Variants in HCN1 observed in about 807,000 individuals in gnomAD.
The protein encoded by HCN1 is hyperpolarization activated cyclic nucleotide gated potassium channel 1.
In HCN1, 13 loss-of-function variants were observed where a neutral mutation model predicts 78.9. That is an observed-to-expected ratio of 0.16 (90% confidence interval 0.11 to 0.26). The LOEUF (loss-of-function observed/expected upper bound fraction) is 0.26, where lower values mean the gene tolerates loss of function less well. Among genes scored for constraint, HCN1 ranks in the 10% least tolerant of loss-of-function variants. The pLI, the probability that HCN1 is intolerant of heterozygous loss-of-function variation, is 1.00. For missense variants in HCN1, 810 were observed against 1,154.3 expected (o/e 0.70, Z 4.32); for synonymous variants, 552 against 455.5 (o/e 1.21, Z -2.70).
At chr5:45,614,715 T>C (rs1391021062) in intron 2 of HCN1, among the ~76,000 whole-genome samples, 2 of 152,100 alleles carry the variant, frequency 1.3e-5, no homozygotes, top group Non-Finnish European at 1.5e-5. Context: ...ATGAGCTGCA[T>C]GAAAACAGAA....
chr5:45,433,105 G>A (rs1279848501), intron 3 of HCN1, among the ~76,000 whole-genome samples: 2 of 152,034 alleles, frequency 1.3e-5, no homozygotes, highest in South Asian at 2.1e-4. Context: ...TGGGAATTAT[G>A]AGAGCTATAA....
rs368915909 is a variant in HCN1 at position 45,380,477 on chromosome 5, G to A, written c.1230+16015C>T. On this transcript the variant is annotated intron_variant, in intron 4 of 7. Transcript: ENST00000303230. ...TAGAAAACATTCTGGAATAATTTAAGTTACATAGGAGATTTGGTTATGGAG... is the reference window on the plus strand; with the variant it reads ...TAGAAAACATTCTGGAATAATTTAAATTACATAGGAGATTTGGTTATGGAG... Among the ~76,000 whole-genome samples, 13 of 152,180 alleles carry A rather than the reference G, an allele frequency of 8.5e-5. No individual in the cohort carries two copies. The East Asian group carries it at 2.5e-3, about 29-fold the overall frequency.
chr5:45,621,805 G>C lies in HCN1; in HGVS notation c.849+23380C>G, dbSNP rs986430241. On this transcript the variant is annotated intron_variant, in intron 2 of 7. Transcript: ENST00000303230. ...AACAAGAATCAAAATACATTATTTG[G>C]CAATATAAGTGGATTTTTTAATAAA... Among the ~76,000 whole-genome samples, 14 of 152,088 alleles carry C rather than the reference G, an allele frequency of 9.2e-5. No homozygotes were observed. In the South Asian group the frequency reaches 1.2e-3, roughly 14 times the overall value.
intron 2 of HCN1, among the ~76,000 whole-genome samples, chr5:45,533,808 T>C (rs1472869494): frequency 6.6e-6 from 1 of 152,146 alleles, no homozygotes; most frequent in Non-Finnish European, 1.5e-5. Context: ...GCTTTTTATG[T>C]GTTTTGTAAA....
At chr5:45,516,120 A>G (rs1235158551) in intron 2 of HCN1, among the ~76,000 whole-genome samples, 1 of 151,990 alleles carries the variant, frequency 6.6e-6, no homozygotes, top group Non-Finnish European at 1.5e-5. Flanking sequence ...GTATCATTAC[A>G]CAAATACATA....
intron 2 of HCN1, among the ~76,000 whole-genome samples, chr5:45,490,956 C>T (rs543782493): frequency 1.8e-4 from 28 of 152,190 alleles, no homozygotes; most frequent in African/African-American, 6.7e-4. Context: ...GTTCAAGGCT[C>T]TTCCATCTTA....
intron 2 of HCN1, among the ~76,000 whole-genome samples, chr5:45,631,632 A>C (rs1745271394): frequency 6.6e-6 from 1 of 152,142 alleles, no homozygotes; most frequent in Admixed American, 6.6e-5. Flanking sequence ...ATGTGGATCA[A>C]GATTTCTAAA....
intron 2 of HCN1, among the ~76,000 whole-genome samples, chr5:45,605,205 T>A (rs1310439286): frequency 6.6e-6 from 1 of 151,570 alleles, no homozygotes; most frequent in Middle Eastern, 3.2e-3. Flanking sequence ...ATTAAATGGG[T>A]ACCTTTATTT....
At chr5:45,336,843 A>G (rs1252286383) in intron 5 of HCN1, among the ~76,000 whole-genome samples, 1 of 151,922 alleles carries the variant, frequency 6.6e-6, no homozygotes, top group African/African-American at 2.4e-5. Context: ...GGGATCAGAG[A>G]TCACTCTGGG....
chr5:45,262,873 G>A (rs1744778678), intron 7 of HCN1, 63 bp from the exon 8 acceptor site: 1 of 1,565,176 alleles, frequency 6.4e-7, no homozygotes, highest in Non-Finnish European at 8.8e-7. Flanking sequence ...AACGCCAAGT[G>A]AGAGTGGCTC....
chr5:45,574,621 A>C (rs1312687739), intron 2 of HCN1: 1 of 152,152 alleles, frequency 6.6e-6, no homozygotes, highest in Non-Finnish European at 1.5e-5. Context: ...TTAAATCAAA[A>C]GTTAGAAATG....
intron 4 of HCN1, among the ~76,000 whole-genome samples, chr5:45,378,445 G>C (rs988856299): frequency 3.9e-5 from 6 of 152,038 alleles, no homozygotes; most frequent in Non-Finnish European, 8.8e-5. Flanking sequence ...TATGTTCCAT[G>C]TGAGTTTGAG....
chr5:45,653,959 T>C (rs1247445709), intron 1 of HCN1, among the ~76,000 whole-genome samples: 1 of 152,096 alleles, frequency 6.6e-6, no homozygotes, highest in East Asian at 1.9e-4. Context: ...ATTTGTTCTT[T>C]TGGATGATTT....
chr5:45,326,926 G>T (rs1746245439), intron 5 of HCN1, among the ~76,000 whole-genome samples: 1 of 151,548 alleles, frequency 6.6e-6, no homozygotes, highest in African/African-American at 2.4e-5. Context: ...AGCAGATAAT[G>T]CAAAACTCTC....
chr5:45,571,120 G>T (rs1219424277), intron 2 of HCN1, among the ~76,000 whole-genome samples: 1 of 151,876 alleles, frequency 6.6e-6, no homozygotes, highest in Admixed American at 6.6e-5. Context: ...AACTCTTTTT[G>T]GTTCCTCTAG....
intron 5 of HCN1, among the ~76,000 whole-genome samples, chr5:45,350,099 G>C (rs1746856312): frequency 6.6e-6 from 1 of 152,140 alleles, no homozygotes; most frequent in African/African-American, 2.4e-5. Context: ...CAATATCCTT[G>C]ATGAACATTG....
intron 2 of HCN1, among the ~76,000 whole-genome samples, chr5:45,566,550 C>T (rs1047059554): frequency 6.6e-6 from 1 of 151,924 alleles, no homozygotes; most frequent in African/African-American, 2.4e-5. Context: ...TCCAGATTAT[C>T]AAGAGAGTTT....
At chr5:45,395,775 G>A (rs994300393) in intron 4 of HCN1, among the ~76,000 whole-genome samples, 2 of 152,022 alleles carry the variant, frequency 1.3e-5, no homozygotes, top group Non-Finnish European at 2.9e-5. Context: ...GAAAGCTACT[G>A]ATGTTTGGTC....
At chr5:45,438,589 CAA>C (rs60699282) in intron 3 of HCN1, among the ~76,000 whole-genome samples, 3 of 95,726 alleles carry the variant, frequency 3.1e-5, no homozygotes, top group Non-Finnish European at 2.2e-5. Flanking sequence ...GACTCCGTCT[CAA>C]AAAAAAAAAA....
Sources: allele counts gnomAD v4.1 joint callset (sites outside exome capture counted in the v4.1 genomes callset), GRCh38; gene constraint gnomAD v4.1.1; transcripts MANE v1.5; gene names NCBI Gene and HGNC (gene_info 2026-07-23, HGNC 2026-07-21).